ANOS1: variants seen among roughly 807,000 people sequenced by gnomAD.
The protein encoded by ANOS1 is anosmin-1.
A neutral mutation model predicts 59.0 loss-of-function variants in ANOS1; 6 were observed. The ratio of observed to expected loss-of-function variants is 0.10; its 90% CI spans 0.06 to 0.20. The LOEUF is 0.20. ANOS1 is among the 10% of genes least tolerant of loss of function. The probability of loss-of-function intolerance (pLI) is 1.00; values close to 1 mark genes in which losing one functional copy is unlikely to be tolerated. For synonymous variants in ANOS1, 217 were observed against 223.4 expected (o/e 0.97, Z 0.25); for missense variants, 433 against 542.3 (o/e 0.80, Z 2.00).
chrX:8,631,681 G>A (rs1931491640), intron 2 of ANOS1, among the ~76,000 whole-genome samples: 1 of 111,949 alleles, frequency 8.9e-6, no homozygotes, highest in Non-Finnish European at 1.9e-5. Context: ...GATTGAAGAT[G>A]TAGAAGAAGT....
At chrX:8,707,949 G>A (rs1569087718) in intron 1 of ANOS1, among the ~76,000 whole-genome samples, 1 of 112,686 alleles carries the variant, frequency 8.9e-6, no homozygotes, top group African/African-American at 3.2e-5. Flanking sequence ...CAACTGGCCA[G>A]GCATGGTGGC....
intron 3 of ANOS1, among the ~76,000 whole-genome samples, chrX:8,608,842 G>C (rs766491006): frequency 8.9e-6 from 1 of 112,137 alleles, no homozygotes; most frequent in South Asian, 3.7e-4. Context: ...CTGCTGCCTT[G>C]TGAAGATGCC....
intron 3 of ANOS1, among the ~76,000 whole-genome samples, chrX:8,619,852 G>A (rs142748283): frequency 5.2e-4 from 58 of 112,335 alleles, no homozygotes; most frequent in African/African-American, 1.8e-3. Context: ...TTAGAAATGG[G>A]TGCTGATAAT....
At chrX:8,659,862 C>G (rs182708344) in intron 2 of ANOS1, among the ~76,000 whole-genome samples, 152 of 110,859 alleles carry the variant, frequency 1.4e-3, no homozygotes, top group African/African-American at 4.7e-3. Context: ...CTCCTGGCCT[C>G]AAGTGATCCA....
rs1346712559 is a variant in ANOS1 at position 8,532,668 on chromosome X, G to A, written c.*327C>T. Reference sequence around the variant, plus strand: ...TCTCCTTTTTGGGGCGGAGTTTGGTGCTCCAAATTCAGGGAAAACTGAGTT... The same window carrying A: ...TCTCCTTTTTGGGGCGGAGTTTGGTACTCCAAATTCAGGGAAAACTGAGTT... On this transcript the variant is annotated 3_prime_UTR_variant, in exon 14 of 14. Coordinates refer to ENST00000262648, the MANE Select transcript of ANOS1 (RefSeq NM_000216.4). 2.2e-4 allele frequency: 41 copies of A among 183,603 alleles called. No individual in the cohort carries two copies. In the Admixed American group the frequency reaches 2.6e-3, roughly 12 times the overall value. The allele number at this position is 183,603 out of a possible 1,213,427, so 15.1% of individuals were successfully genotyped here. A position where few individuals can be genotyped will look rare whatever the true frequency, so the allele number is the denominator to read the frequency against.
In ANOS1 at chrX:8,570,519, G is replaced by A. The variant is rs753939464; in HGVS notation, c.1042C>T (p.Arg348Trp). Residue 348 changes from arginine (R) to tryptophan (W), a missense_variant, in exon 7 of 14, where the codon CGG (arginine) becomes TGG (tryptophan). Transcript: ENST00000262648. ...SKSLVPTKKK[R>W]RKTTDGFQNS... ...CTCACCCCATCCGTAGTCTTTCTCC[G>A]CTTCTTCTTTGTTGGGACAAGAGAC... 24 of 1,207,537 alleles carry A rather than the reference G, an allele frequency of 2.0e-5. No individual in the cohort carries two copies. Among genetic ancestry groups the A allele is most frequent in the South Asian group, 1.2e-4 (7 of 56,714 alleles).
At chrX:8,616,201 T>C (rs1931172992) in intron 3 of ANOS1, among the ~76,000 whole-genome samples, 1 of 111,207 alleles carries the variant, frequency 9.0e-6, no homozygotes, top group African/African-American at 3.3e-5. Flanking sequence ...TGTCGCAGAA[T>C]CCGATTAATA....
intron 2 of ANOS1, among the ~76,000 whole-genome samples, chrX:8,681,515 C>T (rs1247380333): frequency 2.7e-5 from 3 of 111,526 alleles, no homozygotes; most frequent in African/African-American, 9.8e-5. Flanking sequence ...CTCATGGCCA[C>T]ACTACCAAAA....
At chrX:8,726,365 C>T (rs904957952) in intron 1 of ANOS1, among the ~76,000 whole-genome samples, 4 of 111,410 alleles carry the variant, frequency 3.6e-5, no homozygotes, top group Non-Finnish European at 7.5e-5. Flanking sequence ...GGGCGAATAA[C>T]GTCCCATTAA....
At chrX:8,673,015 T>C (rs1009957859) in intron 2 of ANOS1, among the ~76,000 whole-genome samples, 4 of 111,720 alleles carry the variant, frequency 3.6e-5, no homozygotes, top group South Asian at 3.7e-4. Flanking sequence ...ACTTTCAACT[T>C]TATGTCCGCA....
At chrX:8,681,155 T>G (rs1212666997) in intron 2 of ANOS1, among the ~76,000 whole-genome samples, 1 of 111,757 alleles carries the variant, frequency 8.9e-6, no homozygotes, top group Non-Finnish European at 1.9e-5. Flanking sequence ...TATAAACTTC[T>G]AGGTCTAACC....
rs752510720 is a variant in ANOS1, at chrX:8,706,639, G to T, written c.208-6894C>A. ...GTTGGTAATGGGAGAGGCTGTGCAT[G>T]GTGGGGGCAGAGAGCATGTGGATAT... On this transcript the variant is annotated intron_variant, in intron 1 of 13. Transcript: ENST00000262648. Among the ~76,000 whole-genome samples the T allele has an allele frequency of 4.1e-4, 46 of 111,806 alleles. 1 individual carries two copies. The highest frequency in any genetic ancestry group is 7.3e-4 in the Non-Finnish European group (39 of 53,205).
rs936308605 is a variant in ANOS1, at chrX:8,704,172, C to T, written c.208-4427G>A. 2.7e-5 allele frequency among the ~76,000 whole-genome samples: 3 copies of T among 111,887 alleles called. No homozygotes were observed. In the Admixed American group the frequency reaches 2.9e-4, roughly 11 times the overall value. On this transcript the variant is annotated intron_variant, in intron 1 of 13. Transcript: ENST00000262648. ...GTCTTCCACCATGATTGTGAGGCCT[C>T]CCCAGCCATGTGGAACTGTGAGTCC...
chrX:8,702,965 A>C (rs1932763935), intron 1 of ANOS1, among the ~76,000 whole-genome samples: 1 of 112,163 alleles, frequency 8.9e-6, no homozygotes, highest in African/African-American at 3.2e-5. Context: ...AATCCTTGAC[A>C]TGGGCACAGG....
At chrX:8,565,610 C>T (rs1930097280) in intron 8 of ANOS1, among the ~76,000 whole-genome samples, 1 of 112,357 alleles carries the variant, frequency 8.9e-6, no homozygotes, top group Non-Finnish European at 1.9e-5. Context: ...AGCGAAAGAA[C>T]TGGACAGATT....
chrX:8,633,859 G>A (rs1931530098), intron 2 of ANOS1, among the ~76,000 whole-genome samples: 1 of 111,958 alleles, frequency 8.9e-6, no homozygotes, highest in African/African-American at 3.2e-5. Context: ...GAAAGACAAA[G>A]AAAGACTGAG....
At chrX:8,684,848 T>C (rs901988988) in intron 2 of ANOS1, among the ~76,000 whole-genome samples, 2 of 110,698 alleles carry the variant, frequency 1.8e-5, no homozygotes, top group African/African-American at 3.3e-5. Flanking sequence ...AAGACCCACC[T>C]TCCTCAGCAA....
intron 2 of ANOS1, among the ~76,000 whole-genome samples, chrX:8,679,545 C>CAAAAAAA (rs201433193): frequency 1.1e-5 from 1 of 89,704 alleles, no homozygotes; most frequent in Non-Finnish European, 2.2e-5. Context: ...GGATTTCTTG[C>CAAAAAAA]AAAAAAAAAA....
At chrX:8,681,806 T>G (rs751552818) in intron 2 of ANOS1, among the ~76,000 whole-genome samples, 2 of 112,319 alleles carry the variant, frequency 1.8e-5, no homozygotes, top group African/African-American at 6.5e-5. Flanking sequence ...ATGTGACAAT[T>G]CTTTGCAAAC....
Sources: allele counts gnomAD v4.1 joint callset (sites outside exome capture counted in the v4.1 genomes callset), GRCh38; gene constraint gnomAD v4.1.1; transcripts MANE v1.5; gene names NCBI Gene and HGNC (gene_info 2026-07-23, HGNC 2026-07-21).